The following MYH10 variants were observed in gnomAD, a reference collection of about 807,000 sequenced individuals.
MYH10 encodes the protein myosin heavy chain 10.
In MYH10, 55 loss-of-function variants were observed where a neutral mutation model predicts 257.8. The ratio of observed to expected loss-of-function variants is 0.21; its 90% CI spans 0.17 to 0.27. The LOEUF (loss-of-function observed/expected upper bound fraction) is 0.27. MYH10 is among the 10% of genes least tolerant of loss of function. MYH10 has a pLI of 1.00. For synonymous variants in MYH10, 854 were observed against 921.7 expected, an observed-to-expected ratio of 0.93 and a Z score of 1.33; for missense variants, 1,631 against 2,500.6, an observed-to-expected ratio of 0.65 and a Z score of 7.42.
At chr17:8,551,350 G>A (rs2082638611) in intron 9 of MYH10, among the ~76,000 whole-genome samples, 2 of 152,024 alleles carry the variant, frequency 1.3e-5, no homozygotes, top group Non-Finnish European at 2.9e-5. Flanking sequence ...TGGGTTCAAA[G>A]GTTTCACAGA....
At chr17:8,616,120 C>A (rs2085251768) in intron 2 of MYH10, among the ~76,000 whole-genome samples, 2 of 151,914 alleles carry the variant, frequency 1.3e-5, no homozygotes, top group African/African-American at 4.8e-5. Flanking sequence ...CCTGTCTCTA[C>A]AAAAATACAA....
chr17:8,556,072 A>C (rs1353308743), intron 7 of MYH10, among the ~76,000 whole-genome samples: 4 of 152,260 alleles, frequency 2.6e-5, no homozygotes, highest in African/African-American at 7.2e-5. Context: ...ATCTAAGTAA[A>C]AACAGCCACG....
At chr17:8,614,610 C>T (rs2085183754) in intron 2 of MYH10, among the ~76,000 whole-genome samples, 1 of 151,932 alleles carries the variant, frequency 6.6e-6, no homozygotes, top group African/African-American at 2.4e-5. Flanking sequence ...AGCCACTGTG[C>T]CCAGCCTAAG....
chr17:8,552,152 A>C lies in MYH10; in HGVS notation c.821-8T>G. On this transcript the variant is annotated splice_polypyrimidine_tract_variant and splice_region_variant and intron_variant, in intron 8 of 42. Coordinates refer to ENST00000360416, the MANE Select transcript of MYH10 (RefSeq NM_001256012.3). The surrounding 1 kb of genome is among the most constrained non-coding windows in gnomAD (Gnocchi z 4.8). The stretch of plus-strand genomic sequence containing the variant: ...GAGACTTTTCCAGAAGGTCTGAGCA[A>C]AGACAGTTAAGAATTAAATTATTTA... The C allele has an allele frequency of 6.9e-7, 1 of 1,447,270 alleles. No individual in the cohort carries two copies. Among genetic ancestry groups the C allele is most frequent in the Non-Finnish European group, 9.4e-7 (1 of 1,065,828 alleles). The allele number at this position is 1,447,270 out of a possible 1,614,324, so 89.7% of individuals were successfully genotyped here.
At chr17:8,588,605 C>A (rs2084003363) in intron 4 of MYH10, among the ~76,000 whole-genome samples, 2 of 152,214 alleles carry the variant, frequency 1.3e-5, no homozygotes, top group South Asian at 4.1e-4. Context: ...AACTGAATAG[C>A]CTCCTAACTG....
chr17:8,517,164 A>G (rs1438388653), intron 21 of MYH10, among the ~76,000 whole-genome samples: 4 of 152,010 alleles, frequency 2.6e-5, no homozygotes, highest in Admixed American at 2.0e-4. Context: ...TAAAAACCCA[A>G]TTCTTTTACT....
At chr17:8,487,368 C>T (rs1024973289) in intron 36 of MYH10, 65 bp downstream of exon 36, 6 of 1,593,272 alleles carry the variant, frequency 3.8e-6, no homozygotes, top group African/African-American at 1.3e-5. Flanking sequence ...CACTGCTGGA[C>T]TCTGTGTAAA....
chr17:8,499,697 T>TA (rs566923607), intron 29 of MYH10, among the ~76,000 whole-genome samples: 3 of 152,198 alleles, frequency 2.0e-5, no homozygotes, highest in Non-Finnish European at 4.4e-5. Context: ...TGCAGATATT[T>TA]AGGGGCTCAC....
intron 6 of MYH10, among the ~76,000 whole-genome samples, chr17:8,575,716 T>A (rs1266098574): frequency 6.6e-6 from 1 of 152,242 alleles, no homozygotes; most frequent in East Asian, 1.9e-4. Context: ...ATCAGCTTTA[T>A]ATCATTATGT....
At position 8,534,396 on chromosome 17, in the gene MYH10, C is replaced by T. The variant is rs547243645; in HGVS notation, c.1894+991G>A. Among the ~76,000 whole-genome samples, 4 of 152,338 alleles carry T rather than the reference C, an allele frequency of 2.6e-5. No homozygotes were observed. The South Asian group carries it at 8.3e-4, about 32-fold the overall frequency. The stretch of plus-strand genomic sequence containing the variant: ...GTTCAGTGCATCCCCCCCTGCAGCT[C>T]CCTCACACTGACTTGATCTGATGGA... On this transcript the variant is annotated intron_variant, in intron 16 of 42. Transcript: ENST00000360416.
chr17:8,481,179 G>A (rs1375347211), intron 38 of MYH10, 143 bp downstream of exon 38: 14 of 657,138 alleles, frequency 2.1e-5, no homozygotes, highest in South Asian at 1.7e-4. Flanking sequence ...GGACTGGCAC[G>A]GGGTACCATG....
At chr17:8,608,112 A>G (rs1160487947) in intron 2 of MYH10, among the ~76,000 whole-genome samples, 1 of 152,234 alleles carries the variant, frequency 6.6e-6, no homozygotes, top group Admixed American at 6.5e-5. Context: ...ATGGAATGTG[A>G]GCGACAAGGG....
chr17:8,593,866 C>A (rs1451062290), intron 3 of MYH10, among the ~76,000 whole-genome samples: 1 of 152,052 alleles, frequency 6.6e-6, no homozygotes, highest in African/African-American at 2.4e-5. Flanking sequence ...GACAAAGGAA[C>A]TAAAATAAAG....
intron 36 of MYH10, among the ~76,000 whole-genome samples, chr17:8,486,576 A>AG (rs1218185746): frequency 0.015 from 42 of 2,876 alleles, 4 homozygotes; most frequent in African/African-American, 0.024. Flanking sequence ...AAAAAAAAAA[A>AG]AAAATGGAAA....
At chr17:8,629,481 C>A (rs1355600783) in intron 1 of MYH10, among the ~76,000 whole-genome samples, 1 of 152,082 alleles carries the variant, frequency 6.6e-6, no homozygotes, top group African/African-American at 2.4e-5. Context: ...CCCGCCGAGT[C>A]GCCAACCTCC....
chr17:8,479,275 TA>T (rs1913254253), intron 40 of MYH10, among the ~76,000 whole-genome samples: 1 of 152,002 alleles, frequency 6.6e-6, no homozygotes, highest in African/African-American at 2.4e-5. Flanking sequence ...CCTCTTTGGT[TA>T]GAGGTGAAAC....
At position 8,475,904 on chromosome 17, in the gene MYH10, C is replaced by A. The variant is rs758465342; in HGVS notation, c.5924G>T (p.Arg1975Leu). 2 of 1,613,980 alleles carry A rather than the reference C, an allele frequency of 1.2e-6. No individual in the cohort carries two copies. The highest frequency in any genetic ancestry group is 1.7e-6 in the Non-Finnish European group (2 of 1,180,024). Reference protein sequence around the residue: ...ISFSSSRSGRRQLHLEGASLE... With the variant: ...ISFSSSRSGRLQLHLEGASLE... ...GGAAGCTCCTTCAAGGTGCAGCTGG[C>A]GCCGGCCAGATCGGCTGGAAGAGAA... The change falls in exon 43 of 43, where the codon CGC (arginine) becomes CTC (leucine). Residue 1975 changes from arginine to leucine, a missense_variant. This residue lies in a region of MYH10 where 343 missense variants were observed against 389.5 expected (regional missense o/e 0.88). Coordinates refer to ENST00000360416, the MANE Select transcript of MYH10 (RefSeq NM_001256012.3).
Position 8,481,377 on chromosome 17 carries a change from C to T in MYH10, c.5209G>A (p.Ala1737Thr), listed in dbSNP as rs772298747. 8.1e-6 allele frequency: 13 copies of T among 1,614,008 alleles called. No homozygotes were observed. Among genetic ancestry groups the T allele is most frequent in the East Asian group, 2.2e-5 (1 of 44,900 alleles). ...LASSERARRH[A>T]EQERDELADE... ...GCCAGCTCATCTCTCTCCTGCTCGG[C>T]GTGTCGGCGGGCTCGCTCAGATGAG... is the stretch of plus-strand genomic sequence containing the variant. Residue 1737 changes from alanine to threonine, a missense_variant, in exon 38 of 43, where the codon GCC (alanine) becomes ACC (threonine). This residue lies in a region of MYH10 where 343 missense variants were observed against 389.5 expected (regional missense o/e 0.88). Transcript: ENST00000360416.
chr17:8,519,008 C>G, intron 19 of MYH10, 58 bp from the exon 20 acceptor site: 1 of 1,347,874 alleles, frequency 7.4e-7, no homozygotes, highest in East Asian at 2.3e-5. Flanking sequence ...TGTGTATCTA[C>G]TAACTGTGTG....
Sources: gnomAD v4.1 joint callset for allele counts (sites outside exome capture counted in the v4.1 genomes callset) on GRCh38, gnomAD v4.1.1 for gene constraint, gnomAD v4.1.1 regional missense constraint, Gnocchi (gnomAD v3.1) non-coding constraint, MANE v1.5 for transcripts, NCBI Gene and HGNC (gene_info 2026-07-23, HGNC 2026-07-21) for gene names.